SANBR: variants seen among roughly 807,000 people sequenced by gnomAD.
The protein encoded by SANBR is SANT and BTB domain regulator of CSR, also known as SANT and BTB domain regulator of class switch recombination.
A neutral mutation model predicts 101.8 loss-of-function variants in SANBR; 77 were observed. That is an observed-to-expected ratio of 0.76 (90% CI 0.63 to 0.91). SANBR has a LOEUF of 0.91. Ranked by LOEUF, SANBR falls within the 40% of genes least tolerant of loss-of-function variation. The probability of loss-of-function intolerance (pLI) is 0.00; values close to 1 mark genes in which losing one functional copy is unlikely to be tolerated. For missense variants in SANBR, 875 were observed against 853.0 expected (o/e 1.03, Z -0.32); for synonymous variants, 279 against 274.7 (o/e 1.02, Z -0.15).
At position 61,121,186 on chromosome 2, in the gene SANBR, T is replaced by G; in HGVS notation, c.2030T>G (p.Phe677Cys). 1 of 1,548,902 alleles carries G rather than the reference T, an allele frequency of 6.5e-7. No individual in the cohort carries two copies. ...CAGTATTGCTTCTTTATTCTGCAGT[T>G]TGCAGGAGGTATTTATTCCAGGCTG... ...DRVKSKEAKE[F>C]AGGIYSRLEA... The change falls in exon 21 of 22, where the codon TTT (phenylalanine) becomes TGT (cysteine). Residue 677 changes from phenylalanine (F) to cysteine (C), a missense_variant and splice_region_variant. Physicochemically the swap from Phe to Cys is radical, Grantham distance 205. Coordinates refer to ENST00000402291, the MANE Select transcript of SANBR (RefSeq NM_001129993.3).
At chr2:61,131,116 C>T (rs1684677937) in intron 20 of SANBR, among the ~76,000 whole-genome samples, 1 of 152,008 alleles carries the variant, frequency 6.6e-6, no homozygotes, top group Non-Finnish European at 1.5e-5. Flanking sequence ...TGGTGAAGAA[C>T]TGGATACTTT....
At chr2:61,132,468 T>C (rs1236501338) in intron 20 of SANBR, among the ~76,000 whole-genome samples, 1 of 152,214 alleles carries the variant, frequency 6.6e-6, no homozygotes, top group Admixed American at 6.5e-5. Flanking sequence ...CACAGTGAGA[T>C]ATCACTTTAA....
chr2:61,115,428 G>C (rs1256988458), intron 16 of SANBR, among the ~76,000 whole-genome samples: 7 of 151,596 alleles, frequency 4.6e-5, no homozygotes, highest in Non-Finnish European at 2.9e-5. Flanking sequence ...TACCTCCTGG[G>C]TTCAAGTGAT....
rs138866460 is a variant in SANBR, at chr2:61,080,168, G to T, written c.671-1284G>T. Among the ~76,000 whole-genome samples, 23 of 141,060 alleles carry T rather than the reference G, an allele frequency of 1.6e-4. No homozygotes were observed. The East Asian group carries it at 4.8e-3, about 30-fold the overall frequency. The allele number at this position is 141,060 out of a possible 152,430, so 92.5% of individuals were successfully genotyped here. On this transcript the variant is annotated intron_variant, in intron 6 of 21. Coordinates refer to ENST00000402291, the MANE Select transcript of SANBR (RefSeq NM_001129993.3). ...GCCAAGATCATGCCACTGCACTCCA[G>T]TCTGGGCGAAGGAGTGAAACTTTGT...
chr2:61,084,179 C>T (rs948617072), intron 8 of SANBR, among the ~76,000 whole-genome samples: 1 of 152,090 alleles, frequency 6.6e-6, no homozygotes, highest in African/African-American at 2.4e-5. Flanking sequence ...GTCTTGAACT[C>T]CTGGGCTCAA....
At chr2:61,136,744 G>A (rs1684862215) in intron 21 of SANBR, among the ~76,000 whole-genome samples, 1 of 152,132 alleles carries the variant, frequency 6.6e-6, no homozygotes, top group East Asian at 1.9e-4. Flanking sequence ...GGCCGAGGTG[G>A]GTGGATCACG....
At chr2:61,092,624 T>C (rs761435594) in intron 11 of SANBR, 37 bp downstream of exon 11, 1 of 1,483,784 alleles carries the variant, frequency 6.7e-7, no homozygotes. Flanking sequence ...GCTCTGCAAA[T>C]ATTGAGAGCA....
At chr2:61,088,040 C>G in intron 8 of SANBR, 119 bp from the exon 9 acceptor site, 1 of 550,946 alleles carries the variant, frequency 1.8e-6, no homozygotes, top group Non-Finnish European at 3.2e-6. Context: ...TTATAAACTC[C>G]CAAGAGAGCC....
At position 61,068,999 on chromosome 2, in the gene SANBR, T is replaced by G. The variant is rs543539240; in HGVS notation, c.-10+14T>G. ...GCCTTCTACAAGGTACATCTTTGGT[T>G]GGTAGGAAGCTGTGATTTTAGTGTG... is the stretch of plus-strand genomic sequence containing the variant. On this transcript the variant is annotated intron_variant, in intron 2 of 21. Transcript: ENST00000402291. 1 of 152,480 alleles carries G rather than the reference T, an allele frequency of 6.6e-6. No homozygotes were observed. Among genetic ancestry groups the G allele is most frequent in the Admixed American group, 6.5e-5 (1 of 15,292 alleles). 9.4% of individuals were successfully genotyped at this position (152,480 alleles called of 1,614,324 possible).
chr2:61,130,794 A>C (rs1261541247), intron 20 of SANBR, among the ~76,000 whole-genome samples: 1 of 148,642 alleles, frequency 6.7e-6, no homozygotes, highest in East Asian at 1.9e-4. Flanking sequence ...TAAAAATACA[A>C]AAATTAGGAG....
intron 10 of SANBR, among the ~76,000 whole-genome samples, chr2:61,091,472 T>C (rs1340664903): frequency 6.6e-6 from 1 of 151,834 alleles, no homozygotes; most frequent in African/African-American, 2.4e-5. Flanking sequence ...CATGCACCTG[T>C]AATTCCAGCT....
intron 16 of SANBR, among the ~76,000 whole-genome samples, chr2:61,113,380 G>A (rs956885709): frequency 6.6e-6 from 1 of 152,100 alleles, no homozygotes; most frequent in African/African-American, 2.4e-5. Context: ...TGGGATTTTT[G>A]TTGGGATTGT....
At chr2:61,125,461 G>C (rs1348772466), downstream of SANBR, among the ~76,000 whole-genome samples, 1 of 152,192 alleles carries the variant, frequency 6.6e-6, no homozygotes, top group Non-Finnish European at 1.5e-5. Context: ...CAAAGTAAGT[G>C]GCATTTGTAG....
chr2:61,082,125 G>A (rs1477474975), intron 7 of SANBR, among the ~76,000 whole-genome samples: 7 of 152,082 alleles, frequency 4.6e-5, no homozygotes, highest in Non-Finnish European at 8.8e-5. Context: ...TCCTGCCTCG[G>A]CCACCCAAAG....
At chr2:61,090,925 T>G (rs1682720435) in intron 10 of SANBR, among the ~76,000 whole-genome samples, 1 of 149,290 alleles carries the variant, frequency 6.7e-6, no homozygotes, top group South Asian at 2.1e-4. Flanking sequence ...TTTTTTTTTT[T>G]TGAGTTGGAG....
intron 16 of SANBR, among the ~76,000 whole-genome samples, chr2:61,112,691 G>A (rs1683889860): frequency 6.6e-6 from 1 of 151,994 alleles, no homozygotes; most frequent in Non-Finnish European, 1.5e-5. Flanking sequence ...ATGGGGTTTT[G>A]CCATGTTGGC....
chr2:61,077,309 T>G, intron 6 of SANBR, 151 bp downstream of exon 6: 1 of 646,720 alleles, frequency 1.5e-6, no homozygotes, highest in Admixed American at 2.7e-5. Flanking sequence ...TAACCTCATC[T>G]TTTTTAGTAA....
chr2:61,096,427 GGGTCCATCCTAACCAACC>G (rs1683033773), intron 11 of SANBR, among the ~76,000 whole-genome samples: 1 of 152,144 alleles, frequency 6.6e-6, no homozygotes, highest in Non-Finnish European at 1.5e-5. Flanking sequence ...CTGGGACTCA[GGGTCCATCCTAACCAACC>G]TTTTCTCAGA....
At chr2:61,130,223 G>T (rs1405370136) in intron 20 of SANBR, among the ~76,000 whole-genome samples, 2 of 151,588 alleles carry the variant, frequency 1.3e-5, no homozygotes. Flanking sequence ...TATTTCCTCA[G>T]TTGTTGCTCC....
Sources: allele counts gnomAD v4.1 joint callset (sites outside exome capture counted in the v4.1 genomes callset), GRCh38; gene constraint gnomAD v4.1.1; transcripts MANE v1.5; gene names NCBI Gene and HGNC (gene_info 2026-07-23, HGNC 2026-07-21).